The following DAB1 variants were observed in gnomAD, a reference collection of about 807,000 sequenced individuals.
The protein encoded by DAB1 is DAB adaptor protein 1.
DAB1 carries 15 observed loss-of-function variants against 64.6 expected under a neutral mutation model. The observed-to-expected ratio is 0.23, with a 90% CI of 0.16 to 0.36. The LOEUF is 0.36. Ranked by LOEUF, DAB1 falls within the 10% of genes least tolerant of loss-of-function variation. The probability of loss-of-function intolerance (pLI) is 1.00; values close to 1 mark genes in which losing one functional copy is unlikely to be tolerated. For synonymous variants in DAB1, 235 were observed against 251.9 expected (o/e 0.93, Z 0.64); for missense variants, 596 against 706.7 (o/e 0.84, Z 1.78).
chr1:58,310,845 G>T (rs1174876719), intron 4 of DAB1, among the ~76,000 whole-genome samples: 1 of 152,030 alleles, frequency 6.6e-6, no homozygotes, highest in African/African-American at 2.4e-5. Context: ...TCCTACTATG[G>T]ATCAGGCATT....
At chr1:57,016,410 C>T (rs903094151) in intron 11 of DAB1, among the ~76,000 whole-genome samples, 3 of 151,928 alleles carry the variant, frequency 2.0e-5, no homozygotes, top group Admixed American at 1.3e-4. Flanking sequence ...AACAAGACCT[C>T]TTCTCTACCA....
At chr1:57,009,977 A>T (rs1355256950) in intron 14 of DAB1, among the ~76,000 whole-genome samples, 6 of 152,190 alleles carry the variant, frequency 3.9e-5, no homozygotes, top group Admixed American at 3.9e-4. Flanking sequence ...AGTGCTACAC[A>T]TCTCTGGGCT....
intron 5 of DAB1, among the ~76,000 whole-genome samples, chr1:57,977,139 C>T (rs1185433442): frequency 6.6e-6 from 1 of 152,268 alleles, no homozygotes; most frequent in Non-Finnish European, 1.5e-5. Context: ...TTTCTCCTTC[C>T]ATTTCCACTC....
chr1:58,055,773 C>T (rs1033301288), intron 5 of DAB1, among the ~76,000 whole-genome samples: 40 of 151,822 alleles, frequency 2.6e-4, no homozygotes, highest in Non-Finnish European at 1.2e-4. Flanking sequence ...GGCGTCATCT[C>T]GGCTCACTGC....
intron 3 of DAB1, among the ~76,000 whole-genome samples, chr1:58,450,027 G>A (rs995137317): frequency 2.0e-5 from 3 of 152,114 alleles, no homozygotes; most frequent in African/African-American, 7.2e-5. Flanking sequence ...TGAGTGAATG[G>A]GAGTACGTGA....
intron 2 of DAB1, among the ~76,000 whole-genome samples, chr1:58,519,267 T>C (rs940087895): frequency 3.9e-5 from 6 of 152,204 alleles, no homozygotes; most frequent in African/African-American, 1.4e-4. Flanking sequence ...CTTGGTAGGT[T>C]ATATATTTAG....
intron 4 of DAB1, among the ~76,000 whole-genome samples, chr1:58,213,086 T>C (rs1658640091): frequency 6.6e-6 from 1 of 152,150 alleles, no homozygotes; most frequent in South Asian, 2.1e-4. Context: ...GGTAAGGACT[T>C]GATGTTAGAA....
At chr1:57,309,009 C>T (rs901234039) in intron 1 of DAB1, among the ~76,000 whole-genome samples, 1 of 152,118 alleles carries the variant, frequency 6.6e-6, no homozygotes, top group East Asian at 1.9e-4. Flanking sequence ...TGAATGCGGC[C>T]CAACACAAAT....
intron 5 of DAB1, among the ~76,000 whole-genome samples, chr1:57,975,518 T>G (rs1426226695): frequency 6.6e-6 from 1 of 152,186 alleles, no homozygotes; most frequent in Non-Finnish European, 1.5e-5. Context: ...AAAAAGGGAA[T>G]GGTACTTGAT....
intron 2 of DAB1, among the ~76,000 whole-genome samples, chr1:57,256,338 A>G (rs1046968405): frequency 5.9e-5 from 9 of 152,326 alleles, no homozygotes; most frequent in African/African-American, 1.4e-4. Context: ...TCTAAATCCC[A>G]GAGTAAGGGG....
In DAB1 at chr1:57,152,109, G is replaced by A. The variant is rs146783102; in HGVS notation, c.68-6680C>T. On this transcript the variant is annotated intron_variant, in intron 2 of 14. Transcript: ENST00000371236. The stretch of plus-strand genomic sequence containing the variant: ...CATTACAGGCATAAGCCACCATGCC[G>A]GGTGTCTTTTCTAATCTTTAAAAGG... Among the ~76,000 whole-genome samples the A allele has an allele frequency of 3.7e-3, 568 of 152,208 alleles. 7 individuals are homozygous for A. Among genetic ancestry groups the A allele is most frequent in the African/African-American group, 0.013 (548 of 41,532 alleles).
chr1:58,521,731 T>A (rs776450128), intron 2 of DAB1, among the ~76,000 whole-genome samples: 1 of 152,142 alleles, frequency 6.6e-6, no homozygotes, highest in African/African-American at 2.4e-5. Context: ...AAAATCTGAA[T>A]AGTTCTATAT....
At position 57,979,538 on chromosome 1, in the gene DAB1, A is replaced by G. The variant is rs188415563; in HGVS notation, n.388-95376T>C. ...CGTAACAAACCTGCACGTTGTGCAC[A>G]TGTACCCCAGAACTTAAAGTATAAT... On this transcript the variant is annotated intron_variant and non_coding_transcript_variant, in intron 5 of 20. Transcript: ENST00000485760. 1.8e-3 allele frequency among the ~76,000 whole-genome samples: 270 copies of G among 152,364 alleles called. 2 individuals are homozygous for G. Among genetic ancestry groups the G allele is most frequent in the African/African-American group, 6.1e-3 (254 of 41,584 alleles).
intron 7 of DAB1, among the ~76,000 whole-genome samples, chr1:57,434,562 A>C (rs1280397664): frequency 2.0e-5 from 3 of 152,238 alleles, no homozygotes; most frequent in Non-Finnish European, 1.5e-5. Flanking sequence ...TTGGTTATAC[A>C]AGCAAATACA....
At chr1:57,848,243 C>T (rs924072447) in intron 1 of DAB1, among the ~76,000 whole-genome samples, 4 of 152,244 alleles carry the variant, frequency 2.6e-5, no homozygotes, top group South Asian at 2.1e-4. Context: ...CTATAAGTTC[C>T]GAACACAATG....
intron 7 of DAB1, among the ~76,000 whole-genome samples, chr1:57,616,050 A>G (rs2101609265): frequency 6.6e-6 from 1 of 152,256 alleles, no homozygotes; most frequent in Admixed American, 6.5e-5. Context: ...GAGGGAAGGC[A>G]CTGTGGCTTT....
At chr1:58,070,285 A>G (rs1181828002) in intron 5 of DAB1, among the ~76,000 whole-genome samples, 4 of 152,224 alleles carry the variant, frequency 2.6e-5, no homozygotes, top group Non-Finnish European at 5.9e-5. Flanking sequence ...TGGTTCAGAA[A>G]GAAGGATGGA....
chr1:58,148,110 C>T (rs1179221020), intron 5 of DAB1, among the ~76,000 whole-genome samples: 1 of 152,068 alleles, frequency 6.6e-6, no homozygotes, highest in Non-Finnish European at 1.5e-5. Flanking sequence ...AAAATGTTCT[C>T]GCCAACATGG....
At chr1:58,239,124 T>G (rs1000310311) in intron 4 of DAB1, among the ~76,000 whole-genome samples, 2 of 152,156 alleles carry the variant, frequency 1.3e-5, no homozygotes, top group Non-Finnish European at 2.9e-5. Context: ...AATAAATCCC[T>G]TTCAGCTTAA....
Sources: allele counts gnomAD v4.1 joint callset (sites outside exome capture counted in the v4.1 genomes callset), GRCh38; gene constraint gnomAD v4.1.1; transcripts MANE v1.5; gene names NCBI Gene and HGNC (gene_info 2026-07-23, HGNC 2026-07-21).